The following DDC variants were observed in gnomAD, a reference collection of about 807,000 sequenced individuals.
DDC encodes dopa decarboxylase, also known as aromatic-L-amino-acid decarboxylase.
A neutral mutation model predicts 60.0 loss-of-function variants in DDC; 43 were observed. The observed-to-expected ratio is 0.72, with a 90% CI of 0.56 to 0.92. The LOEUF is 0.92. Ranked by LOEUF, DDC falls within the 40% of genes least tolerant of loss-of-function variation. The pLI, the probability that DDC is intolerant of heterozygous loss-of-function variation, is 0.00. For synonymous variants in DDC, 232 were observed against 234.6 expected (o/e 0.99, Z 0.10); for missense variants, 573 against 620.2 (o/e 0.92, Z 0.81).
chr7:50,550,172 A>G (rs193000376), intron 1 of DDC, among the ~76,000 whole-genome samples: 10 of 152,320 alleles, frequency 6.6e-5, no homozygotes, highest in Admixed American at 5.9e-4. Context: ...TGCCACAGCT[A>G]CCATAACTTT....
intron 7 of DDC, among the ~76,000 whole-genome samples, chr7:50,503,507 G>A (rs943093347): frequency 6.6e-6 from 1 of 152,190 alleles, no homozygotes; most frequent in South Asian, 2.1e-4. Flanking sequence ...ATTCCTTGGC[G>A]AAATCCAGTT....
chr7:50,462,515 G>T (rs2042300735), intron 14 of DDC, among the ~76,000 whole-genome samples: 1 of 152,118 alleles, frequency 6.6e-6, no homozygotes, highest in Admixed American at 6.5e-5. Context: ...AAACCATCAA[G>T]AATTTGGACG....
At chr7:50,539,050 C>G (rs1444671717) in intron 3 of DDC, 2 of 152,436 alleles carry the variant, frequency 1.3e-5, no homozygotes, top group Non-Finnish European at 2.9e-5. Context: ...GCAGAGGTGG[C>G]TCAGCTGGGC....
intron 11 of DDC, among the ~76,000 whole-genome samples, chr7:50,474,886 C>A (rs2042608218): frequency 1.3e-5 from 2 of 151,648 alleles, no homozygotes; most frequent in African/African-American, 4.9e-5. Context: ...CCTGTTACCC[C>A]ATTTTCAGTC....
chr7:50,510,462 A>G (rs575428756), intron 6 of DDC, among the ~76,000 whole-genome samples: 5 of 151,838 alleles, frequency 3.3e-5, no homozygotes, highest in Non-Finnish European at 7.4e-5. Flanking sequence ...TGAGGTCAGG[A>G]GTTTAAGACC....
intron 1 of DDC, among the ~76,000 whole-genome samples, chr7:50,558,431 C>A (rs941860934): frequency 1.3e-5 from 2 of 152,180 alleles, no homozygotes; most frequent in Non-Finnish European, 2.9e-5. Flanking sequence ...CAGCTGCTGG[C>A]CTGGGGCCTG....
At chr7:50,534,596 T>C (rs2044329789) in intron 4 of DDC, among the ~76,000 whole-genome samples, 1 of 114,056 alleles carries the variant, frequency 8.8e-6, no homozygotes, top group African/African-American at 3.4e-5. Context: ...AGACTTCGTC[T>C]AAAAACAAGA....
intron 3 of DDC, 120 bp downstream of exon 3, chr7:50,539,795 C>T (rs985440461): frequency 9.5e-6 from 7 of 736,470 alleles, no homozygotes; most frequent in Middle Eastern, 3.2e-4. Flanking sequence ...GCAACAGTAG[C>T]CCGTCTGCCC....
intron 9 of DDC, among the ~76,000 whole-genome samples, chr7:50,494,879 T>C (rs1355357386): frequency 1.3e-5 from 2 of 152,048 alleles, no homozygotes; most frequent in Non-Finnish European, 2.9e-5. Flanking sequence ...GCCAGGCTGG[T>C]CTTGAACTCC....
At chr7:50,545,144 A>T (rs534431727) in intron 1 of DDC, among the ~76,000 whole-genome samples, 1 of 152,228 alleles carries the variant, frequency 6.6e-6, no homozygotes, top group Non-Finnish European at 1.5e-5. Context: ...TGTTTACATT[A>T]TGAGAGCTGA....
At chr7:50,517,350 GA>G (rs1475837727) in intron 6 of DDC, among the ~76,000 whole-genome samples, 1 of 152,114 alleles carries the variant, frequency 6.6e-6, no homozygotes, top group Non-Finnish European at 1.5e-5. Flanking sequence ...TGCAGATGCA[GA>G]AAAAGCATCT....
chr7:50,482,950 A>G, intron 9 of DDC, among the ~76,000 whole-genome samples: 1 of 152,004 alleles, frequency 6.6e-6, no homozygotes, highest in East Asian at 1.9e-4. Flanking sequence ...ACATCATCTG[A>G]CAATGAGAGT....
intron 10 of DDC, among the ~76,000 whole-genome samples, chr7:50,477,018 T>C (rs2042661647): frequency 6.6e-6 from 1 of 152,212 alleles, no homozygotes; most frequent in African/African-American, 2.4e-5. Flanking sequence ...GAATTTGTGA[T>C]ATACGGAGTG....
chr7:50,468,196 A>T (rs114339349), intron 12 of DDC, among the ~76,000 whole-genome samples: 1,648 of 152,340 alleles, frequency 0.011, 31 homozygotes, highest in African/African-American at 0.038. Context: ...GTTCCTCGTC[A>T]TGCCACCAGA....
chr7:50,507,276 T>G (rs1042547784), intron 6 of DDC, among the ~76,000 whole-genome samples: 5 of 152,186 alleles, frequency 3.3e-5, no homozygotes, highest in African/African-American at 7.2e-5. Context: ...TCACTCTTTT[T>G]GTCGAGGCTG....
chr7:50,536,125 G>A (rs1260216115), intron 4 of DDC, among the ~76,000 whole-genome samples: 1 of 152,096 alleles, frequency 6.6e-6, no homozygotes, highest in African/African-American at 2.4e-5. Context: ...TTTGGATGAA[G>A]GACAGACAGA....
At chr7:50,493,142 T>G in intron 9 of DDC, 1 of 736,780 alleles carries the variant, frequency 1.4e-6, no homozygotes, top group Non-Finnish European at 2.3e-6. Context: ...TGGCAATGTC[T>G]GTGTCCCTCA....
At chr7:50,543,742 T>C (rs2044710981) in intron 2 of DDC, 143 bp downstream of exon 2, 4 of 822,342 alleles carry the variant, frequency 4.9e-6, no homozygotes, top group Admixed American at 2.0e-5. Flanking sequence ...GTTTCCTCAG[T>C]TGTAAAATAG....
At chr7:50,462,846 G>C (rs11575546) in intron 14 of DDC, among the ~76,000 whole-genome samples, 1 of 147,428 alleles carries the variant, frequency 6.8e-6, no homozygotes, top group African/African-American at 2.5e-5. Flanking sequence ...CTCGGCTCAC[G>C]GCAACCTCCG....
Sources: allele counts gnomAD v4.1 joint callset (sites outside exome capture counted in the v4.1 genomes callset), GRCh38; gene constraint gnomAD v4.1.1; transcripts MANE v1.5; gene names NCBI Gene and HGNC (gene_info 2026-07-23, HGNC 2026-07-21).